The following FRS2 variants were observed in gnomAD, a reference collection of about 807,000 sequenced individuals.
The protein encoded by FRS2 is fibroblast growth factor receptor substrate 2.
A neutral mutation model predicts 43.9 loss-of-function variants in FRS2; 8 were observed. That is an observed-to-expected ratio of 0.18 (90% CI 0.11 to 0.33). FRS2 has a LOEUF of 0.33. FRS2 is among the 10% of genes least tolerant of loss of function. The probability of loss-of-function intolerance (pLI) is 1.00; values close to 1 mark genes in which losing one functional copy is unlikely to be tolerated. For missense variants in FRS2, 534 were observed against 627.6 expected (o/e 0.85, Z 1.59); for synonymous variants, 219 against 220.3 (o/e 0.99, Z 0.05).
rs545916754 is a variant in FRS2 at position 69,492,155 on chromosome 12, G to T, written c.-261+21625G>T. On this transcript the variant is annotated intron_variant, in intron 1 of 8. Coordinates refer to ENST00000549921, the MANE Select transcript of FRS2 (RefSeq NM_001278356.2). ...ATTATTTTCATTATTAGCAGTCACT[G>T]TAATTTTACTTTATGTGGATAGCCT... Among the ~76,000 whole-genome samples the T allele has an allele frequency of 7.8e-4, 119 of 152,280 alleles. 1 individual carries two copies. Among genetic ancestry groups the T allele is most frequent in the Non-Finnish European group, 7.1e-4 (48 of 68,026 alleles).
At chr12:69,540,463 T>TA (rs1331732877) in intron 3 of FRS2, among the ~76,000 whole-genome samples, 1 of 151,938 alleles carries the variant, frequency 6.6e-6, no homozygotes, top group Admixed American at 6.6e-5. Flanking sequence ...AGAAAATAAG[T>TA]AAAGTATAAA....
chr12:69,480,305 G>A (rs1205180906), intron 1 of FRS2: 6 of 152,038 alleles, frequency 3.9e-5, no homozygotes, highest in Non-Finnish European at 7.4e-5. Flanking sequence ...CTAGCTCCTG[G>A]CAACCACTAT....
intron 1 of FRS2, chr12:69,486,400 A>G (rs1245522334): frequency 1.3e-5 from 2 of 152,338 alleles, no homozygotes; most frequent in African/African-American, 2.4e-5. Flanking sequence ...AACTGTGCCC[A>G]TATAGGATGG....
At chr12:69,485,125 A>ACACACACG (rs1164698698) in intron 1 of FRS2, among the ~76,000 whole-genome samples, 1 of 148,480 alleles carries the variant, frequency 6.7e-6, no homozygotes, top group African/African-American at 2.6e-5. Flanking sequence ...ACACACACAC[A>ACACACACG]CACACACACA....
chr12:69,536,695 C>A (rs983714910), intron 3 of FRS2, among the ~76,000 whole-genome samples: 1 of 151,888 alleles, frequency 6.6e-6, no homozygotes, highest in Non-Finnish European at 1.5e-5. Context: ...CTCAGCCTCT[C>A]AAGTAGCTGG....
intron 3 of FRS2, among the ~76,000 whole-genome samples, chr12:69,556,014 G>A (rs959440693): frequency 6.6e-6 from 1 of 151,260 alleles, no homozygotes; most frequent in Non-Finnish European, 1.5e-5. Context: ...GTGGCGGGGG[G>A]GGGGGCGGTG....
Position 69,498,655 on chromosome 12 carries a change from A to C in FRS2, c.-261+28125A>C, listed in dbSNP as rs192908192. On this transcript the variant is annotated intron_variant, in intron 1 of 8. Transcript: ENST00000549921. ...TTCCAATGTGGCCCAGGGAAGCCAA[A>C]AGATTGGACACCCCTGGAAAGAATA... is the stretch of plus-strand genomic sequence containing the variant. Among the ~76,000 whole-genome samples the C allele has an allele frequency of 1.2e-4, 18 of 152,002 alleles. No individual in the cohort carries two copies. The East Asian group carries it at 3.1e-3, about 26-fold the overall frequency.
intron 3 of FRS2, among the ~76,000 whole-genome samples, chr12:69,542,768 A>G (rs533532108): frequency 6.6e-6 from 1 of 152,332 alleles, no homozygotes; most frequent in African/African-American, 2.4e-5. Context: ...GTACCTTTTA[A>G]TGTTAGAAAT....
intron 3 of FRS2, among the ~76,000 whole-genome samples, chr12:69,547,340 G>A (rs1192240120): frequency 6.6e-6 from 1 of 151,996 alleles, no homozygotes; most frequent in East Asian, 1.9e-4. Context: ...ATGTACCTGT[G>A]GTCCTAGCTA....
intron 1 of FRS2, among the ~76,000 whole-genome samples, chr12:69,524,510 A>G (rs1876008369): frequency 2.0e-5 from 3 of 151,614 alleles, no homozygotes; most frequent in Admixed American, 2.0e-4. Context: ...GGCCCCCAGG[A>G]GGTACCTGGG....
chr12:69,483,014 A>G (rs957441707), intron 1 of FRS2, among the ~76,000 whole-genome samples: 76 of 152,310 alleles, frequency 5.0e-4, no homozygotes, highest in Non-Finnish European at 8.1e-4. Flanking sequence ...ATGCTAGTGC[A>G]TGTATTATTT....
intron 3 of FRS2, among the ~76,000 whole-genome samples, chr12:69,550,423 A>C (rs906924765): frequency 6.6e-6 from 1 of 152,022 alleles, no homozygotes; most frequent in Non-Finnish European, 1.5e-5. Context: ...TTTTAACTCA[A>C]CCTGTGAGGA....
intron 1 of FRS2, among the ~76,000 whole-genome samples, chr12:69,501,694 A>G (rs962883790): frequency 1.3e-5 from 2 of 152,148 alleles, no homozygotes; most frequent in African/African-American, 2.4e-5. Flanking sequence ...AGTTTCTTCA[A>G]GCATATCAGG....
At chr12:69,557,622 G>A (rs961274461) in intron 3 of FRS2, among the ~76,000 whole-genome samples, 23 of 140,798 alleles carry the variant, frequency 1.6e-4, no homozygotes, top group Non-Finnish European at 2.3e-4. Context: ...GTGTGTGTGC[G>A]CGCGCGCGCG....
At chr12:69,485,516 C>G (rs1016979835) in intron 1 of FRS2, among the ~76,000 whole-genome samples, 3 of 144,300 alleles carry the variant, frequency 2.1e-5, no homozygotes, top group African/African-American at 7.8e-5. Flanking sequence ...GAGTCTTGCT[C>G]TTGTCACCCA....
chr12:69,502,890 C>G (rs1873586546), intron 1 of FRS2, among the ~76,000 whole-genome samples: 2 of 152,168 alleles, frequency 1.3e-5, no homozygotes, highest in South Asian at 4.1e-4. Flanking sequence ...GCATCAGCAT[C>G]AGCAGCAGCT....
intron 1 of FRS2, among the ~76,000 whole-genome samples, chr12:69,521,612 T>C (rs1351254996): frequency 1.3e-5 from 2 of 151,850 alleles, no homozygotes; most frequent in Non-Finnish European, 1.5e-5. Flanking sequence ...TTGTTTTTTG[T>C]TTTTTGTTTT....
At chr12:69,566,846 G>C (rs1289405341) in intron 4 of FRS2, among the ~76,000 whole-genome samples, 1 of 152,110 alleles carries the variant, frequency 6.6e-6, no homozygotes, top group East Asian at 1.9e-4. Context: ...TCAAATCTAG[G>C]GAACATGTCC....
At chr12:69,476,974 G>T (rs767253111) in intron 1 of FRS2, among the ~76,000 whole-genome samples, 11 of 152,012 alleles carry the variant, frequency 7.2e-5, no homozygotes, top group Non-Finnish European at 1.6e-4. Context: ...GAAAACTGTG[G>T]GTTTGCTGCT....
Sources: allele counts gnomAD v4.1 joint callset (sites outside exome capture counted in the v4.1 genomes callset), GRCh38; gene constraint gnomAD v4.1.1; transcripts MANE v1.5; gene names NCBI Gene and HGNC (gene_info 2026-07-23, HGNC 2026-07-21).